Variants in PLEKHS1 observed in about 807,000 individuals in gnomAD.
PLEKHS1 encodes pleckstrin homology domain-containing family S member 1.
Under a neutral mutation model 51.0 loss-of-function variants are expected in PLEKHS1, and 55 were observed. That is an observed-to-expected ratio of 1.08 (90% CI 0.87 to 1.35). PLEKHS1 has a LOEUF of 1.35. PLEKHS1 is among the 40% of genes most tolerant of loss of function. PLEKHS1 has a pLI of 0.00. For missense variants in PLEKHS1, 398 were observed against 423.0 expected, an observed-to-expected ratio of 0.94 and a Z score of 0.52; for synonymous variants, 153 against 144.8, an observed-to-expected ratio of 1.06 and a Z score of -0.41.
chr10:113,780,870 C>A (rs1465391187), exon 12 of PLEKHS1: 4 of 1,203,182 alleles, frequency 3.3e-6, no homozygotes, highest in Admixed American at 5.5e-5. Context: ...AGGAGACAGT[C>A]GGCACCCCCC....
chr10:113,776,507 A>C (rs4917668), intron 11 of PLEKHS1, among the ~76,000 whole-genome samples: 106,768 of 152,054 alleles, frequency 0.7, 38,515 homozygotes, highest in Non-Finnish European at 0.78. Context: ...AAGGGAGGAA[A>C]CACACCTTCC....
chr10:113,768,706 G>T (rs892870421), intron 5 of PLEKHS1, 109 bp from the exon 6 acceptor site: 3 of 798,558 alleles, frequency 3.8e-6, no homozygotes, highest in Non-Finnish European at 5.8e-6. Flanking sequence ...TTCTTATTTC[G>T]CTGGTACCTG....
At chr10:113,761,885 G>T (rs939969159) in intron 2 of PLEKHS1, among the ~76,000 whole-genome samples, 2 of 151,892 alleles carry the variant, frequency 1.3e-5, no homozygotes, top group Non-Finnish European at 2.9e-5. Context: ...TTTTTGGGAG[G>T]CTTTGTGTAG....
rs1490013550 is a variant in PLEKHS1, at chr10:113,760,929, T to A, written c.29-5482T>A. Among the ~76,000 whole-genome samples the A allele has an allele frequency of 2.6e-5, 4 of 152,324 alleles. No homozygotes were observed. The East Asian group carries it at 7.7e-4, about 29-fold the overall frequency. On this transcript the variant is annotated intron_variant, in intron 2 of 11. Coordinates refer to ENST00000361048, the Ensembl canonical transcript of PLEKHS1. Reference sequence around the variant, plus strand: ...TACACCTATGTTTTCTACTAAAAGTTTTATGGTTTTAGCTCTCATGTTAAG... The same window carrying A: ...TACACCTATGTTTTCTACTAAAAGTATTATGGTTTTAGCTCTCATGTTAAG...
At chr10:113,764,262 G>A (rs576887741) in intron 2 of PLEKHS1, among the ~76,000 whole-genome samples, 16 of 151,950 alleles carry the variant, frequency 1.1e-4, no homozygotes, top group South Asian at 4.2e-4. Context: ...CACCATGCCC[G>A]GCTAATTTTT....
intron 8 of PLEKHS1, among the ~76,000 whole-genome samples, chr10:113,773,965 G>A (rs919195396): frequency 3.9e-5 from 6 of 152,152 alleles, no homozygotes; most frequent in Non-Finnish European, 1.5e-5. Flanking sequence ...AAGATAAACA[G>A]CAATTTAGCT....
intron 11 of PLEKHS1, among the ~76,000 whole-genome samples, chr10:113,779,405 T>G (rs897819727): frequency 2.0e-5 from 3 of 151,866 alleles, no homozygotes; most frequent in Non-Finnish European, 4.4e-5. Context: ...CCCGTCTGTA[T>G]GAAAAATACA....
chr10:113,775,184 G>C, intron 10 of PLEKHS1, 149 bp downstream of exon 10: 1 of 722,930 alleles, frequency 1.4e-6, no homozygotes, highest in South Asian at 1.9e-5. Flanking sequence ...CCCTGTCATT[G>C]ATGTTGTGGC....
chr10:113,773,838 C>A (rs1164926108), intron 8 of PLEKHS1, among the ~76,000 whole-genome samples: 1 of 152,162 alleles, frequency 6.6e-6, no homozygotes, highest in Middle Eastern at 3.2e-3. Context: ...AGCATAGTAA[C>A]CTGAGACCAG....
intron 2 of PLEKHS1, among the ~76,000 whole-genome samples, chr10:113,761,493 T>G (rs1843931414): frequency 6.6e-6 from 1 of 151,684 alleles, no homozygotes; most frequent in Non-Finnish European, 1.5e-5. Context: ...TCTTTTTATC[T>G]GCCTAGTTAA....
chr10:113,769,908 G>A lies in PLEKHS1; in HGVS notation c.552+8G>A. 6.3e-7 allele frequency: 1 copy of A among 1,590,716 alleles called. No individual in the cohort carries two copies. The highest frequency in any genetic ancestry group is 8.6e-7 in the Non-Finnish European group (1 of 1,158,864). ...AATGGTCTCCAAGACAAGGTAATGG[G>A]GCTCACTTCTTTCTCAGGACACCAC... On this transcript the variant is annotated splice_region_variant and intron_variant, in intron 7 of 11. Coordinates refer to ENST00000361048, the Ensembl canonical transcript of PLEKHS1.
chr10:113,772,131 A>G lies in PLEKHS1; in HGVS notation c.672+42A>G, dbSNP rs778507236. On this transcript the variant is annotated intron_variant, in intron 8 of 11. Coordinates refer to ENST00000361048, the Ensembl canonical transcript of PLEKHS1. ...CATTCATCATTTGTTTCTTTAACAA[A>G]TATTTACTGAAACCCTGCCATGCAC... The G allele has an allele frequency of 3.7e-6, 6 of 1,605,552 alleles. No individual in the cohort carries two copies. The East Asian group carries it at 1.1e-4, about 30-fold the overall frequency.
At chr10:113,755,378 C>A in intron 2 of PLEKHS1, 73 bp downstream of exon 2, 1 of 1,559,848 alleles carries the variant, frequency 6.4e-7, no homozygotes, top group Non-Finnish European at 8.7e-7. Flanking sequence ...TTCAAGCTAA[C>A]CAGGATACAG....
At chr10:113,758,369 T>C (rs563481797) in intron 2 of PLEKHS1, among the ~76,000 whole-genome samples, 1 of 152,334 alleles carries the variant, frequency 6.6e-6, no homozygotes, top group South Asian at 2.1e-4. Flanking sequence ...CTTGTACATC[T>C]CCATCAGAGC....
chr10:113,775,705 G>C lies in PLEKHS1; in HGVS notation c.990-60G>C, dbSNP rs1844618249. ...TAGAGGCCAAAAGTCTACTCAGAAA[G>C]TACAGTTGAGAGCCAAGGTCAGTTG... On this transcript the variant is annotated intron_variant, in intron 10 of 11. Coordinates refer to ENST00000361048, the Ensembl canonical transcript of PLEKHS1. 4.3e-6 allele frequency: 5 copies of C among 1,153,248 alleles called. No homozygotes were observed. In the Admixed American group the frequency reaches 9.5e-5, roughly 22 times the overall value. 71.4% of individuals were successfully genotyped at this position (1,153,248 alleles called of 1,614,324 possible). A position where few individuals can be genotyped will look rare whatever the true frequency, so the allele number is the denominator to read the frequency against.
chr10:113,765,276 C>T, intron 2 of PLEKHS1: 1 of 712,406 alleles, frequency 1.4e-6, no homozygotes, highest in South Asian at 1.6e-5. Flanking sequence ...GAGCAGTGCT[C>T]AGTGTAGAAC....
chr10:113,768,666 G>T, intron 5 of PLEKHS1, 149 bp from the exon 6 acceptor site: 1 of 551,020 alleles, frequency 1.8e-6, no homozygotes, highest in South Asian at 2.7e-5. Flanking sequence ...ATGTGGAGGT[G>T]GCGAGGCCAT....
chr10:113,761,754 A>AT (rs141250263), intron 2 of PLEKHS1, among the ~76,000 whole-genome samples: 1 of 151,862 alleles, frequency 6.6e-6, no homozygotes, highest in East Asian at 1.9e-4. Flanking sequence ...TGTTTTATTT[A>AT]TTTTTACTTA....
rs1350078958 is a variant in PLEKHS1, at chr10:113,780,763, G to C, written c.*161G>C. The C allele has an allele frequency of 1.3e-5, 20 of 1,561,602 alleles. No individual in the cohort carries two copies. Among genetic ancestry groups the C allele is most frequent in the Non-Finnish European group, 1.7e-5 (20 of 1,156,592 alleles). ...GTCCGGCCATTAAAAAGAGCCAGCA[G>C]AAAGGAGCCAGGGAGTAACGCACCC... On this transcript the variant is annotated 3_prime_UTR_variant, in exon 12 of 12. Transcript: ENST00000361048.
Sources: allele counts gnomAD v4.1 joint callset (sites outside exome capture counted in the v4.1 genomes callset), GRCh38; gene constraint gnomAD v4.1.1; transcripts MANE v1.5; gene names NCBI Gene and HGNC (gene_info 2026-07-23, HGNC 2026-07-21).